The following TENM3 variants were observed in gnomAD, a reference collection of about 807,000 sequenced individuals.
The protein encoded by TENM3 is teneurin-3.
TENM3 carries 63 observed loss-of-function variants against 255.1 expected under a neutral mutation model. The ratio of observed to expected loss-of-function variants is 0.25; its 90% CI spans 0.20 to 0.30. The LOEUF is 0.30. Ranked by LOEUF, TENM3 falls within the 10% of genes least tolerant of loss-of-function variation. TENM3 has a pLI of 1.00. For synonymous variants in TENM3, 1,306 were observed against 1,322.3 expected, an observed-to-expected ratio of 0.99 and a Z score of 0.27; for missense variants, 2,929 against 3,461.1, an observed-to-expected ratio of 0.85 and a Z score of 3.86.
chr4:182,719,707 A>G (rs553564813), intron 13 of TENM3, among the ~76,000 whole-genome samples: 9 of 152,270 alleles, frequency 5.9e-5, no homozygotes, highest in African/African-American at 2.2e-4. Context: ...AGAAATAAGA[A>G]AGATAGAAAT....
At chr4:182,395,201 C>T (rs74386255) in intron 3 of TENM3, among the ~76,000 whole-genome samples, 2,550 of 152,192 alleles carry the variant, frequency 0.017, 28 homozygotes, top group Non-Finnish European at 0.026. Context: ...ACTTCTGAAA[C>T]AAATGGATAT....
At chr4:182,556,557 A>G (rs1224204724) in intron 3 of TENM3, among the ~76,000 whole-genome samples, 1 of 152,250 alleles carries the variant, frequency 6.6e-6, no homozygotes, top group Non-Finnish European at 1.5e-5. Flanking sequence ...AGAATTATTT[A>G]AAACTTTATA....
the TENM3 span, among the ~76,000 whole-genome samples, chr4:181,856,631 C>T: frequency 1.3e-5 from 2 of 152,246 alleles, no homozygotes; most frequent in African/African-American, 4.8e-5. Context: ...GTGTGATTGT[C>T]CCTCCAGCTG....
chr4:182,110,556 G>A, the TENM3 span, among the ~76,000 whole-genome samples: 7 of 151,974 alleles, frequency 4.6e-5, no homozygotes, highest in Admixed American at 1.3e-4. Flanking sequence ...AAATTCCTGG[G>A]CTCATGCAAT....
intron 22 of TENM3, among the ~76,000 whole-genome samples, chr4:182,761,445 G>A (rs568806241): frequency 2.1e-5 from 3 of 144,194 alleles, no homozygotes; most frequent in African/African-American, 4.9e-5. Context: ...AATTAGAGAG[G>A]TGTCTTCCAC....
upstream of TENM3, chr4:182,141,439 A>T (rs1749415371): frequency 6.6e-6 from 1 of 152,166 alleles, no homozygotes; most frequent in South Asian, 2.1e-4. Flanking sequence ...GTAGTTTGGC[A>T]CTGCACAACA....
Position 182,346,775 on chromosome 4 carries a change from T to C in TENM3, c.357T>C (p.Asp119=), listed in dbSNP as rs1254903418. ...CTATCAGTGCAGGGTCAGATGCTGA[T>C]ACTGAAAATGAAGCAGTGATGTCCC... is the stretch of plus-strand genomic sequence containing the variant. ...GYSISAGSDA[D]TENEAVMSPE... The change falls in exon 3 of 28, where the codon GAT becomes GAC. Residue 119 remains aspartate (D), a synonymous_variant. Coordinates refer to ENST00000511685, the MANE Select transcript of TENM3 (RefSeq NM_001080477.4). 1 of 1,613,658 alleles carries C rather than the reference T, an allele frequency of 6.2e-7. No homozygotes were observed. Among genetic ancestry groups the C allele is most frequent in the Non-Finnish European group, 8.5e-7 (1 of 1,179,796 alleles).
the TENM3 span, among the ~76,000 whole-genome samples, chr4:181,545,689 G>A: frequency 3.9e-5 from 6 of 152,008 alleles, no homozygotes; most frequent in Non-Finnish European, 5.9e-5. Flanking sequence ...GATGAATGCT[G>A]CATATACCAA....
intron 12 of TENM3, among the ~76,000 whole-genome samples, chr4:182,702,796 G>A (rs1214739790): frequency 2.6e-5 from 4 of 151,550 alleles, no homozygotes; most frequent in Non-Finnish European, 4.4e-5. Context: ...GGAGTGCAGT[G>A]GTGCGATCTC....
chr4:181,923,765 G>C, the TENM3 span, among the ~76,000 whole-genome samples: 1 of 152,108 alleles, frequency 6.6e-6, no homozygotes, highest in Admixed American at 6.6e-5. Context: ...AATACAGCGA[G>C]GAAGTAGATC....
intron 1 of TENM3, among the ~76,000 whole-genome samples, chr4:182,211,054 C>T (rs1162584954): frequency 2.0e-5 from 3 of 152,162 alleles, no homozygotes; most frequent in Non-Finnish European, 4.4e-5. Context: ...TGTCCCTCAT[C>T]ATCTCTCCTG....
chr4:182,680,470 G>A, intron 9 of TENM3, 73 bp from the exon 10 acceptor site: 1 of 1,557,132 alleles, frequency 6.4e-7, no homozygotes, highest in Non-Finnish European at 8.8e-7. Flanking sequence ...GCTTGTTCCA[G>A]CGATGTGTCT....
At chr4:181,832,853 GA>G in the TENM3 span, among the ~76,000 whole-genome samples, 1 of 152,160 alleles carries the variant, frequency 6.6e-6, no homozygotes, top group Non-Finnish European at 1.5e-5. Flanking sequence ...TGAAGAGAGT[GA>G]AATGAACCCC....
chr4:182,745,152 A>G (rs1761916507), intron 19 of TENM3, among the ~76,000 whole-genome samples: 1 of 152,248 alleles, frequency 6.6e-6, no homozygotes, highest in African/African-American at 2.4e-5. Context: ...GCAAACAAAA[A>G]CCAAACTAGC....
At chr4:182,188,093 G>A (rs933891576) in intron 1 of TENM3, among the ~76,000 whole-genome samples, 2 of 152,162 alleles carry the variant, frequency 1.3e-5, no homozygotes, top group Middle Eastern at 3.4e-3. Context: ...TTTGGAGGAG[G>A]TAAGATAAGA....
At chr4:182,537,267 G>C (rs1461868744) in intron 3 of TENM3, among the ~76,000 whole-genome samples, 1 of 152,136 alleles carries the variant, frequency 6.6e-6, no homozygotes, top group Admixed American at 6.5e-5. Context: ...TTTTCAAAAA[G>C]GCTAGCTCCT....
chr4:182,168,491 C>T (rs1214060009), intron 1 of TENM3, among the ~76,000 whole-genome samples: 1 of 152,162 alleles, frequency 6.6e-6, no homozygotes, highest in African/African-American at 2.4e-5. Flanking sequence ...CAATTATTGA[C>T]TTATTTCTTT....
intron 24 of TENM3, among the ~76,000 whole-genome samples, chr4:182,784,608 T>G: frequency 6.6e-6 from 1 of 151,904 alleles, no homozygotes; most frequent in Non-Finnish European, 1.5e-5. Context: ...GGCTGCTTTG[T>G]TTACCTAAGC....
the TENM3 span, among the ~76,000 whole-genome samples, chr4:182,138,481 C>G: frequency 2.0e-5 from 3 of 152,182 alleles, no homozygotes; most frequent in African/African-American, 7.2e-5. Context: ...ATACACATCT[C>G]CAACTAAATT....
Sources: allele counts gnomAD v4.1 joint callset (sites outside exome capture counted in the v4.1 genomes callset), GRCh38; gene constraint gnomAD v4.1.1; transcripts MANE v1.5; gene names NCBI Gene and HGNC (gene_info 2026-07-23, HGNC 2026-07-21).